The following CNTNAP3 variants were observed in gnomAD, a reference collection of about 807,000 sequenced individuals.
CNTNAP3 encodes the protein contactin associated protein family member 3.
In CNTNAP3, 36 loss-of-function variants were observed where a neutral mutation model predicts 92.1. The observed-to-expected ratio is 0.39, with a 90% confidence interval of 0.30 to 0.52. The LOEUF (loss-of-function observed/expected upper bound fraction) is 0.52. Ranked by LOEUF, CNTNAP3 falls within the 20% of genes least tolerant of loss-of-function variation. The pLI is 0.76. For synonymous variants in CNTNAP3, 232 were observed against 422.3 expected (o/e 0.55, Z 5.53); for missense variants, 534 against 1,069.6 (o/e 0.50, Z 6.98).
intron 4 of CNTNAP3, among the ~76,000 whole-genome samples, chr9:39,179,286 T>TACACACACACACACACACACAC (rs4057871): frequency 6.2e-5 from 5 of 80,720 alleles, no homozygotes; most frequent in East Asian, 4.1e-4. Context: ...TCTCTCTCTC[T>TACACACACACACACACACACAC]ACACACACAC....
chr9:39,082,187 A>G (rs555285830), intron 21 of CNTNAP3, among the ~76,000 whole-genome samples: 121 of 151,982 alleles, frequency 8.0e-4, no homozygotes, highest in African/African-American at 2.7e-3. Context: ...TTAAAAACTC[A>G]TTTATCTCAA....
chr9:39,135,975 A>C (rs1345478771), intron 12 of CNTNAP3, among the ~76,000 whole-genome samples: 1 of 151,584 alleles, frequency 6.6e-6, no homozygotes, highest in Non-Finnish European at 1.5e-5. Flanking sequence ...TAAAAATACA[A>C]AAAATTAGCC....
At position 39,109,214 on chromosome 9, in the gene CNTNAP3, G is replaced by T; in HGVS notation, c.2311C>A (p.Arg771=). Reference sequence around the variant, plus strand: ...GTATAAGCTGCTTCGGAATGTGGTCGGCCTGCGTCTGTCATCACAATCTGA... The same window carrying T: ...GTATAAGCTGCTTCGGAATGTGGTCTGCCTGCGTCTGTCATCACAATCTGA... The part of the protein sequence containing the change: ...VTQIVMTDAG[R]PHSEAAYTLG... Residue 771 remains arginine, a synonymous_variant, in exon 15 of 24, where the codon CGA becomes AGA. Transcript: ENST00000297668. 6.2e-7 allele frequency: 1 copy of T among 1,612,938 alleles called. No individual in the cohort carries two copies. The highest frequency in any genetic ancestry group is 2.2e-5 in the East Asian group (1 of 44,874).
At chr9:39,097,757 G>A (rs141396958) in intron 18 of CNTNAP3, among the ~76,000 whole-genome samples, 1 of 144,172 alleles carries the variant, frequency 6.9e-6, no homozygotes, top group East Asian at 2.2e-4. Context: ...GGATGGGGAG[G>A]TGCTGGGAGA....
intron 21 of CNTNAP3, among the ~76,000 whole-genome samples, chr9:39,081,901 A>C: frequency 7.0e-6 from 1 of 141,878 alleles, no homozygotes; most frequent in Admixed American, 6.9e-5. Flanking sequence ...ACACGGTGAA[A>C]CCCCATCTCT....
intron 9 of CNTNAP3, among the ~76,000 whole-genome samples, chr9:39,161,653 AAAC>A (rs1157006723): frequency 1.0e-5 from 1 of 98,926 alleles, no homozygotes; most frequent in Non-Finnish European, 1.9e-5. Context: ...TCGTCTCTAC[AAAC>A]AATAATAATA....
intron 10 of CNTNAP3, among the ~76,000 whole-genome samples, chr9:39,147,126 C>A (rs1186134348): frequency 6.6e-6 from 1 of 152,150 alleles, no homozygotes; most frequent in African/African-American, 2.4e-5. Flanking sequence ...TGTCTTGATT[C>A]TCCTTCACCT....
chr9:39,118,953 T>C (rs1563883793), intron 13 of CNTNAP3, among the ~76,000 whole-genome samples: 1 of 152,082 alleles, frequency 6.6e-6, no homozygotes, highest in Non-Finnish European at 1.5e-5. Flanking sequence ...CTAACTCAGA[T>C]CTATAGAACT....
intron 9 of CNTNAP3, among the ~76,000 whole-genome samples, chr9:39,158,328 C>CTTA (rs1179707449): frequency 1.6e-5 from 2 of 123,876 alleles, no homozygotes; most frequent in Non-Finnish European, 3.3e-5. Context: ...CATTTCAGTC[C>CTTA]TTAATCTGTA....
At chr9:39,096,679 A>G (rs1758517) in intron 18 of CNTNAP3, among the ~76,000 whole-genome samples, 32,661 of 148,048 alleles carry the variant, frequency 0.22, 3,910 homozygotes, top group East Asian at 0.37. Flanking sequence ...TCATGACAAT[A>G]GTTTTCTTTC....
chr9:39,122,130 A>G (rs1274921574), intron 13 of CNTNAP3, among the ~76,000 whole-genome samples: 6 of 151,290 alleles, frequency 4.0e-5, no homozygotes, highest in African/African-American at 1.2e-4. Flanking sequence ...CGAGGCGGGC[A>G]GATCATGAGG....
At chr9:39,130,678 GTATTTT>G (rs1234026934) in intron 13 of CNTNAP3, among the ~76,000 whole-genome samples, 9 of 151,916 alleles carry the variant, frequency 5.9e-5, no homozygotes, top group Non-Finnish European at 1.0e-4. Context: ...CTACTTTTTT[GTATTTT>G]TAGTAGAGAC....
intron 14 of CNTNAP3, chr9:39,117,882 T>C: frequency 9.6e-7 from 1 of 1,043,854 alleles, no homozygotes; most frequent in Non-Finnish European, 1.3e-6. Context: ...TTACGAAAAA[T>C]AAAAAACACA....
At chr9:39,126,464 T>G (rs1188106025) in intron 13 of CNTNAP3, among the ~76,000 whole-genome samples, 1 of 152,094 alleles carries the variant, frequency 6.6e-6, no homozygotes, top group Non-Finnish European at 1.5e-5. Context: ...AGCATTACCC[T>G]AATACCCAAA....
At chr9:39,213,191 GAGAGA>G (rs561061095) in intron 3 of CNTNAP3, among the ~76,000 whole-genome samples, 1,152 of 5,310 alleles carry the variant, frequency 0.22, 542 homozygotes, top group Non-Finnish European at 0.81. Flanking sequence ...GAAAGGAGAG[GAGAGA>G]AGAGAAGAGA....
chr9:39,155,624 TC>T (rs1262040933), intron 9 of CNTNAP3: 1 of 148,658 alleles, frequency 6.7e-6, no homozygotes, highest in African/African-American at 2.5e-5. Context: ...CGTTGATTGA[TC>T]CCTTTTCATT....
chr9:39,119,316 T>C (rs1274572181), intron 13 of CNTNAP3, among the ~76,000 whole-genome samples: 3 of 147,712 alleles, frequency 2.0e-5, no homozygotes, highest in Non-Finnish European at 4.4e-5. Flanking sequence ...GATCTCTGCA[T>C]TCATTACCAC....
chr9:39,134,350 T>C (rs1288482651), intron 12 of CNTNAP3, among the ~76,000 whole-genome samples: 1 of 152,048 alleles, frequency 6.6e-6, no homozygotes, highest in Admixed American at 6.5e-5. Flanking sequence ...AGGCTCTAAG[T>C]GTGCCTATGG....
chr9:39,077,733 G>C (rs1825817482), intron 23 of CNTNAP3, among the ~76,000 whole-genome samples: 1 of 152,322 alleles, frequency 6.6e-6, no homozygotes, highest in East Asian at 1.9e-4. Flanking sequence ...CTTCAGGTCC[G>C]TCCAACAGTT....
Sources: gnomAD v4.1 joint callset for allele counts (sites outside exome capture counted in the v4.1 genomes callset) on GRCh38, gnomAD v4.1.1 for gene constraint, MANE v1.5 for transcripts, NCBI Gene and HGNC (gene_info 2026-07-23, HGNC 2026-07-21) for gene names.